Variants in ADK observed in about 807,000 individuals in gnomAD.
ADK encodes the protein N6,N6-dimethyladenosine kinase.
Under a neutral mutation model 44.7 loss-of-function variants are expected in ADK, and 24 were observed. That is an observed-to-expected ratio of 0.54 (90% CI 0.39 to 0.76). The LOEUF is 0.76. Among genes scored for constraint, ADK ranks in the 30% least tolerant of loss-of-function variants. The pLI is 0.00. For missense variants in ADK, 321 were observed against 425.1 expected (o/e 0.76, Z 2.15); for synonymous variants, 128 against 142.6 (o/e 0.90, Z 0.73).
chr10:74,458,055 G>C (rs10824185), intron 6 of ADK, among the ~76,000 whole-genome samples: 89,963 of 149,666 alleles, frequency 0.6, 29,581 homozygotes, highest in Middle Eastern at 0.78. Context: ...AAAAAGATTG[G>C]GTATTTCACA....
chr10:74,376,804 T>C (rs1212987743), intron 4 of ADK, among the ~76,000 whole-genome samples: 1 of 151,388 alleles, frequency 6.6e-6, no homozygotes, highest in Non-Finnish European at 1.5e-5. Flanking sequence ...AATACTGTCA[T>C]TGACCTTTTT....
intron 6 of ADK, among the ~76,000 whole-genome samples, chr10:74,420,665 C>T (rs1844525828): frequency 6.6e-6 from 1 of 152,084 alleles, no homozygotes; most frequent in African/African-American, 2.4e-5. Flanking sequence ...CATAATCTTG[C>T]ATGTTGTGGA....
chr10:74,205,672 T>C (rs1843566646), intron 2 of ADK, among the ~76,000 whole-genome samples: 2 of 94,054 alleles, frequency 2.1e-5, no homozygotes, highest in Non-Finnish European at 4.2e-5. Context: ...TGAGAATCTG[T>C]CTCAAAAAAA....
intron 10 of ADK, among the ~76,000 whole-genome samples, chr10:74,673,483 G>A (rs1464157734): frequency 2.6e-5 from 4 of 152,346 alleles, no homozygotes; most frequent in South Asian, 2.1e-4. Context: ...GTGAGCACAC[G>A]TGAGCAGGTG....
At chr10:74,449,954 G>A (rs181043643) in intron 6 of ADK, among the ~76,000 whole-genome samples, 1 of 152,112 alleles carries the variant, frequency 6.6e-6, no homozygotes, top group African/African-American at 2.4e-5. Flanking sequence ...AGTGTGATCT[G>A]TTATATGTAT....
At chr10:74,448,597 C>G (rs1296350448) in intron 6 of ADK, among the ~76,000 whole-genome samples, 1 of 152,100 alleles carries the variant, frequency 6.6e-6, no homozygotes, top group African/African-American at 2.4e-5. Flanking sequence ...GCCATGTTCT[C>G]TTTTTCCTTT....
At chr10:74,543,300 C>G (rs11001064) in intron 7 of ADK, among the ~76,000 whole-genome samples, 91,313 of 151,828 alleles carry the variant, frequency 0.6, 30,190 homozygotes, top group Middle Eastern at 0.78. Context: ...TGCAATCCTT[C>G]TGCCTTGACC....
chr10:74,467,916 A>G (rs1350268003), intron 6 of ADK, among the ~76,000 whole-genome samples: 1 of 152,186 alleles, frequency 6.6e-6, no homozygotes, highest in East Asian at 1.9e-4. Flanking sequence ...AAATCTCATT[A>G]GTCACTGACA....
At chr10:74,169,179 A>G (rs1842103345) in intron 1 of ADK, among the ~76,000 whole-genome samples, 1 of 148,598 alleles carries the variant, frequency 6.7e-6, no homozygotes, top group South Asian at 2.1e-4. Flanking sequence ...AGATTGTGCC[A>G]GTACACTTCA....
chr10:74,696,062 C>A (rs1856186191), intron 10 of ADK, among the ~76,000 whole-genome samples: 1 of 151,792 alleles, frequency 6.6e-6, no homozygotes. Flanking sequence ...ACTCTGTTAC[C>A]CAGGCTGGAA....
At chr10:74,159,575 A>G (rs1181456556) in intron 1 of ADK, among the ~76,000 whole-genome samples, 1 of 151,720 alleles carries the variant, frequency 6.6e-6, no homozygotes. Flanking sequence ...AGTTGACTCA[A>G]CCTAACTGGA....
At chr10:74,347,106 C>CAAAAAAAAAAAAAAAAAAAA (rs58074760) in intron 4 of ADK, among the ~76,000 whole-genome samples, 3 of 92,296 alleles carry the variant, frequency 3.3e-5, no homozygotes, top group African/African-American at 2.1e-4. Context: ...CACTCTGTCT[C>CAAAAAAAAAAAAAAAAAAAA]AAAAAAAAAA....
chr10:74,574,391 G>A (rs1041455452), intron 7 of ADK, among the ~76,000 whole-genome samples: 5 of 151,744 alleles, frequency 3.3e-5, no homozygotes, highest in Non-Finnish European at 5.9e-5. Flanking sequence ...GGATGGTCTC[G>A]CTCTCTTGAC....
At chr10:74,238,961 A>G (rs1017638744) in intron 3 of ADK, among the ~76,000 whole-genome samples, 18 of 149,258 alleles carry the variant, frequency 1.2e-4, no homozygotes, top group Admixed American at 1.1e-3. Flanking sequence ...TCCAGTTTCA[A>G]ATGATACTTA....
chr10:74,542,736 G>A (rs750173058), intron 7 of ADK, among the ~76,000 whole-genome samples: 20 of 151,818 alleles, frequency 1.3e-4, no homozygotes, highest in Non-Finnish European at 2.6e-4. Flanking sequence ...GCAGCTAAAT[G>A]CATATTTTAC....
chr10:74,600,326 G>A, intron 8 of ADK, 53 bp from the exon 9 acceptor site: 1 of 1,142,722 alleles, frequency 8.8e-7, no homozygotes, highest in South Asian at 1.3e-5. Flanking sequence ...TACTAATAAA[G>A]TTTTGTTTTA....
At chr10:74,209,664 G>T (rs1334900243) in intron 2 of ADK, among the ~76,000 whole-genome samples, 6 of 151,654 alleles carry the variant, frequency 4.0e-5, no homozygotes, top group East Asian at 1.9e-4. Flanking sequence ...AGACTGGAGT[G>T]CAGTAGCACA....
intron 3 of ADK, among the ~76,000 whole-genome samples, chr10:74,253,100 C>T (rs1845705146): frequency 6.6e-6 from 1 of 152,178 alleles, no homozygotes; most frequent in South Asian, 2.1e-4. Context: ...TGGGGCTCAG[C>T]CCGTGAGGGT....
At chr10:74,372,249 A>T in intron 4 of ADK, 1 of 762,602 alleles carries the variant, frequency 1.3e-6, no homozygotes, top group Non-Finnish European at 2.4e-6. Flanking sequence ...GTTAACTGCT[A>T]CTCAGCCTGA....
Sources: gnomAD v4.1 joint callset for allele counts (sites outside exome capture counted in the v4.1 genomes callset) on GRCh38, gnomAD v4.1.1 for gene constraint, MANE v1.5 for transcripts, NCBI Gene and HGNC (gene_info 2026-07-23, HGNC 2026-07-21) for gene names.